The following SPPL3 variants were observed in gnomAD, a reference collection of about 807,000 sequenced individuals.
SPPL3 encodes signal peptide peptidase like 3.
In SPPL3, 5 loss-of-function variants were observed where a neutral mutation model predicts 42.4. The observed-to-expected ratio is 0.12, with a 90% CI of 0.06 to 0.25. The LOEUF is 0.25. Ranked by LOEUF, SPPL3 falls within the 10% of genes least tolerant of loss-of-function variation. SPPL3 has a pLI of 1.00. For missense variants in SPPL3, 235 were observed against 489.0 expected, an observed-to-expected ratio of 0.48 and a Z score of 4.90; for synonymous variants, 195 against 181.8, an observed-to-expected ratio of 1.07 and a Z score of -0.58.
chr12:120,831,069 TTCTC>T (rs375855863), intron 1 of SPPL3, among the ~76,000 whole-genome samples: 7 of 149,712 alleles, frequency 4.7e-5, no homozygotes, highest in African/African-American at 7.4e-5. Context: ...GAAGGGCAAA[TTCTC>T]TCTCTCTCTC....
intron 1 of SPPL3, among the ~76,000 whole-genome samples, chr12:120,826,675 C>T (rs1382568547): frequency 1.3e-5 from 2 of 152,092 alleles, no homozygotes; most frequent in South Asian, 2.1e-4. Context: ...TTAATACCCT[C>T]GTTTTTCAGA....
At position 120,764,250 on chromosome 12, in the gene SPPL3, T is replaced by TGTCA. The variant is rs1868788939; in HGVS notation, c.*745_*748dup. ...CATGCTCAAAACGACAGCAAGCCCC[T>TGTCA]GTCAGCTACACAGCGTGATCTTAGC... On this transcript the variant is annotated 3_prime_UTR_variant, in exon 11 of 11. Transcript: ENST00000353487. 6.6e-6 allele frequency: 1 copy of TGTCA among 152,394 alleles called. No individual in the cohort carries two copies. Among genetic ancestry groups the TGTCA allele is most frequent in the South Asian group, 2.1e-4 (1 of 4,834 alleles). 9.4% of individuals were successfully genotyped at this position (152,394 alleles called of 1,614,324 possible).
chr12:120,897,943 C>G (rs1055948422), intron 1 of SPPL3, among the ~76,000 whole-genome samples: 1 of 152,028 alleles, frequency 6.6e-6, no homozygotes, highest in African/African-American at 2.4e-5. Flanking sequence ...TTGCAAATAC[C>G]TGACATGTAA....
chr12:120,808,086 C>CTTTTTTTTTTT (rs63135760), intron 2 of SPPL3, among the ~76,000 whole-genome samples: 3 of 132,804 alleles, frequency 2.3e-5, no homozygotes. Context: ...AGTTTCTTTT[C>CTTTTTTTTTTT]TTTTTTTTTT....
chr12:120,872,707 TC>T (rs1234532391), intron 1 of SPPL3, among the ~76,000 whole-genome samples: 2 of 151,920 alleles, frequency 1.3e-5, no homozygotes, highest in Non-Finnish European at 2.9e-5. Flanking sequence ...GGCCAACACT[TC>T]CCAGAGCTCC....
chr12:120,873,229 G>GCCC (rs1872981790), intron 1 of SPPL3, among the ~76,000 whole-genome samples: 1 of 152,144 alleles, frequency 6.6e-6, no homozygotes, highest in Non-Finnish European at 1.5e-5. Flanking sequence ...AGGAAAGATG[G>GCCC]TTTAACTTGA....
At chr12:120,880,225 T>C (rs1873235997) in intron 1 of SPPL3, among the ~76,000 whole-genome samples, 2 of 151,798 alleles carry the variant, frequency 1.3e-5, no homozygotes, top group Admixed American at 1.3e-4. Context: ...TAAAAATGAA[T>C]TACACAAAAG....
intron 1 of SPPL3, among the ~76,000 whole-genome samples, chr12:120,820,003 G>T (rs1332919453): frequency 6.6e-6 from 1 of 152,072 alleles, no homozygotes; most frequent in Non-Finnish European, 1.5e-5. Context: ...TATGAAAACC[G>T]TATGACCCTA....
At chr12:120,867,180 T>C (rs1872778610) in intron 1 of SPPL3, among the ~76,000 whole-genome samples, 1 of 152,184 alleles carries the variant, frequency 6.6e-6, no homozygotes, top group Non-Finnish European at 1.5e-5. Flanking sequence ...CAGAAAATAA[T>C]TACATATCTA....
Position 120,841,417 on chromosome 12 carries a change from TA to T in SPPL3, c.24-30532del, listed in dbSNP as rs1174440974. On this transcript the variant is annotated intron_variant, in intron 1 of 10. Coordinates refer to ENST00000353487, the MANE Select transcript of SPPL3 (RefSeq NM_139015.5). Reference sequence around the variant, plus strand: ...TTTCTTTGCTAGTGTACTTTTAAGTTAAAAAAATAGTTATATATATATATAT... The same window carrying T: ...TTTCTTTGCTAGTGTACTTTTAAGTTAAAAAATAGTTATATATATATATAT... Among the ~76,000 whole-genome samples the T allele has an allele frequency of 6.3e-5, 8 of 126,304 alleles. No individual in the cohort carries two copies. The East Asian group carries it at 1.9e-3, about 30-fold the overall frequency. 82.9% of individuals were successfully genotyped at this position (126,304 alleles called of 152,430 possible).
At chr12:120,814,857 C>T (rs1367641644) in intron 1 of SPPL3, among the ~76,000 whole-genome samples, 3 of 152,310 alleles carry the variant, frequency 2.0e-5, no homozygotes, top group African/African-American at 7.2e-5. Flanking sequence ...CAGTATCTCC[C>T]TCTACCCCCC....
intron 1 of SPPL3, among the ~76,000 whole-genome samples, chr12:120,812,764 T>A (rs1870725405): frequency 6.6e-6 from 1 of 152,194 alleles, no homozygotes; most frequent in Non-Finnish European, 1.5e-5. Context: ...GCTCTACCAC[T>A]TACTAGTAGC....
chr12:120,855,679 A>G (rs1316187941), intron 1 of SPPL3, among the ~76,000 whole-genome samples: 2 of 150,276 alleles, frequency 1.3e-5, no homozygotes, highest in Non-Finnish European at 2.9e-5. Flanking sequence ...TGGGCAGCTG[A>G]GCAAGACTCC....
rs1442023794 is a variant in SPPL3, at chr12:120,854,361, T to C, written c.24-43475A>G. Among the ~76,000 whole-genome samples the C allele has an allele frequency of 3.3e-5, 5 of 152,358 alleles. No homozygotes were observed. In the East Asian group the frequency reaches 7.7e-4, roughly 23 times the overall value. On this transcript the variant is annotated intron_variant, in intron 1 of 10. Coordinates refer to ENST00000353487, the MANE Select transcript of SPPL3 (RefSeq NM_139015.5). ...TGTTTTGGTGATAAGTGTTGAATTA[T>C]ATGTATCTATATACATACTCTAGTA...
At chr12:120,855,991 C>T (rs1003045148) in intron 1 of SPPL3, among the ~76,000 whole-genome samples, 5 of 152,158 alleles carry the variant, frequency 3.3e-5, no homozygotes, top group Non-Finnish European at 7.3e-5. Context: ...CACTGTTCAA[C>T]AGAACTCTGT....
chr12:120,784,736 T>C (rs1159938082), intron 3 of SPPL3, 143 bp from the exon 4 acceptor site: 2 of 540,962 alleles, frequency 3.7e-6, no homozygotes, highest in Non-Finnish European at 6.4e-6. Context: ...CTATGAGTCT[T>C]TCTTTCCCAA....
intron 2 of SPPL3, among the ~76,000 whole-genome samples, chr12:120,799,093 A>G (rs1293393632): frequency 1.3e-5 from 2 of 152,224 alleles, no homozygotes; most frequent in Non-Finnish European, 2.9e-5. Context: ...CAATGGAGTT[A>G]TATCCCAATA....
intron 1 of SPPL3, among the ~76,000 whole-genome samples, chr12:120,865,302 C>T (rs1872725256): frequency 6.6e-6 from 1 of 152,228 alleles, no homozygotes; most frequent in African/African-American, 2.4e-5. Context: ...CACTGCTCTA[C>T]AATGCACTGC....
intron 6 of SPPL3, among the ~76,000 whole-genome samples, chr12:120,777,199 G>A (rs1869352350): frequency 6.6e-6 from 1 of 152,174 alleles, no homozygotes; most frequent in African/African-American, 2.4e-5. Context: ...TTTCTGTTCA[G>A]AAGTAACAGC....
Sources: allele counts gnomAD v4.1 joint callset (sites outside exome capture counted in the v4.1 genomes callset), GRCh38; gene constraint gnomAD v4.1.1; transcripts MANE v1.5; gene names NCBI Gene and HGNC (gene_info 2026-07-23, HGNC 2026-07-21).